The following KRIT1 variants were observed in gnomAD, a reference collection of about 807,000 sequenced individuals.
KRIT1 encodes the protein krev interaction trapped protein 1.
In KRIT1, 45 loss-of-function variants were observed where a neutral mutation model predicts 95.8. The observed-to-expected ratio is 0.47, with a 90% CI of 0.37 to 0.60. The LOEUF (loss-of-function observed/expected upper bound fraction) is 0.60, where lower values mean the gene tolerates loss of function less well. Among genes scored for constraint, KRIT1 ranks in the 20% least tolerant of loss-of-function variants. The pLI is 0.00. For missense variants in KRIT1, 788 were observed against 877.5 expected (o/e 0.90, Z 1.29); for synonymous variants, 282 against 278.8 (o/e 1.01, Z -0.11).
intron 10 of KRIT1, among the ~76,000 whole-genome samples, chr7:92,232,718 G>A (rs906730647): frequency 3.3e-5 from 5 of 151,590 alleles, no homozygotes; most frequent in Non-Finnish European, 5.9e-5. Flanking sequence ...TTTTGAGATG[G>A]AGTCTCACTG....
rs1800565337 is a variant in KRIT1 at position 92,245,019 on chromosome 7, C to T, written c.-268G>A. On this transcript the variant is annotated 5_prime_UTR_variant, in exon 2 of 19. The change abolishes the stop of an existing upstream ORF in the 5' untranslated region. Transcript: ENST00000394505. ...GGTTTGCTAACATCCTCTTAGTATG[C>T]TAGACAGCGTTTGCAAACAGAAACT... 1 of 151,912 alleles carries T rather than the reference C, an allele frequency of 6.6e-6. No individual in the cohort carries two copies. The highest frequency in any genetic ancestry group is 2.4e-5 in the African/African-American group (1 of 41,314). The allele number at this position is 151,912 out of a possible 1,614,324, so 9.4% of individuals were successfully genotyped here.
chr7:92,226,148 C>T (rs1434652671), intron 11 of KRIT1, among the ~76,000 whole-genome samples: 3 of 151,764 alleles, frequency 2.0e-5, no homozygotes, highest in Non-Finnish European at 4.4e-5. Context: ...AAATCTTTTT[C>T]CTTTTTCAAG....
chr7:92,234,348 G>C, intron 10 of KRIT1, 101 bp downstream of exon 10: 1 of 960,212 alleles, frequency 1.0e-6, no homozygotes, highest in Non-Finnish European at 1.6e-6. Context: ...AACAGGTAGA[G>C]AAAAAGTATT....
At chr7:92,234,762 A>G in intron 9 of KRIT1, 46 bp downstream of exon 9, 1 of 1,214,362 alleles carries the variant, frequency 8.2e-7, no homozygotes, top group South Asian at 1.2e-5. Context: ...TTAAATTAGA[A>G]TGTAAGTTTT....
intron 2 of KRIT1, 92 bp downstream of exon 2, chr7:92,244,810 T>G (rs1800516892): frequency 6.6e-6 from 1 of 152,076 alleles, no homozygotes; most frequent in Non-Finnish European, 1.5e-5. Flanking sequence ...TTCTGGAAAA[T>G]GTTAGGCACA....
At chr7:92,208,197 G>A (rs1208908161) in intron 17 of KRIT1, among the ~76,000 whole-genome samples, 4 of 152,100 alleles carry the variant, frequency 2.6e-5, no homozygotes, top group South Asian at 2.1e-4. Flanking sequence ...CCTAAGGGAT[G>A]TAGCAAAAGC....
At chr7:92,228,787 T>G (rs1197239138) in intron 10 of KRIT1, among the ~76,000 whole-genome samples, 4 of 152,124 alleles carry the variant, frequency 2.6e-5, no homozygotes, top group African/African-American at 9.7e-5. Context: ...GTTCCCTTTT[T>G]TGTGCTCATG....
intron 10 of KRIT1, among the ~76,000 whole-genome samples, chr7:92,232,383 T>C (rs1797483958): frequency 6.6e-6 from 1 of 152,142 alleles, no homozygotes; most frequent in South Asian, 2.1e-4. Flanking sequence ...TAAAGTAACT[T>C]ACCAAAGGTA....
intron 17 of KRIT1, among the ~76,000 whole-genome samples, chr7:92,208,511 TA>T (rs1424100156): frequency 1.3e-5 from 2 of 151,922 alleles, no homozygotes; most frequent in African/African-American, 4.8e-5. Context: ...AACAAAATCA[TA>T]AATGATAAAA....
At chr7:92,225,606 T>C in intron 12 of KRIT1, 114 bp downstream of exon 12, 1 of 719,068 alleles carries the variant, frequency 1.4e-6, no homozygotes, top group Non-Finnish European at 2.5e-6. Context: ...AATGAGGTTT[T>C]ATAGCAGTAA....
At chr7:92,244,543 C>T (rs1285560923) in intron 2 of KRIT1, among the ~76,000 whole-genome samples, 5 of 152,134 alleles carry the variant, frequency 3.3e-5, no homozygotes, top group African/African-American at 4.8e-5. Flanking sequence ...TCGTACTTGA[C>T]TACTTAAAAT....
At chr7:92,210,827 A>C (rs940503640) in intron 17 of KRIT1, among the ~76,000 whole-genome samples, 2 of 152,228 alleles carry the variant, frequency 1.3e-5, no homozygotes, top group African/African-American at 4.8e-5. Context: ...AAATCAAACA[A>C]TTCAACAGCA....
chr7:92,232,469 T>C (rs1797500271), intron 10 of KRIT1, among the ~76,000 whole-genome samples: 1 of 151,834 alleles, frequency 6.6e-6, no homozygotes, highest in Non-Finnish European at 1.5e-5. Flanking sequence ...CATGCTTTTG[T>C]TTTTATGTAA....
chr7:92,245,920 C>T (rs1445569775), upstream of KRIT1: 10 of 233,316 alleles, frequency 4.3e-5, 1 homozygote, highest in South Asian at 4.2e-4. Context: ...GCTATGAAAT[C>T]GCTTCCGGGT....
rs1800871855 is a variant in KRIT1 at position 92,245,820 on chromosome 7, A to G, written c.-451T>C. 6.0e-6 allele frequency: 1 copy of G among 166,912 alleles called. No homozygotes were observed. The highest frequency in any genetic ancestry group is 1.3e-5 in the Non-Finnish European group (1 of 78,394). The allele number at this position is 166,912 out of a possible 1,614,324, so 10.3% of individuals were successfully genotyped here. On this transcript the variant is annotated 5_prime_UTR_variant, in exon 1 of 19. Coordinates refer to ENST00000394505, the MANE Select transcript of KRIT1 (RefSeq NM_194454.3). Reference sequence around the variant, plus strand: ...CTTTACTGTCCTTCCCTCTCCTCGCACCTCAGCACCATTCACCCCTCACCC... The same window carrying G: ...CTTTACTGTCCTTCCCTCTCCTCGCGCCTCAGCACCATTCACCCCTCACCC...
At chr7:92,198,986 G>A (rs188612683), downstream of KRIT1, 281 of 152,330 alleles carry the variant, frequency 1.8e-3, 2 homozygotes, top group African/African-American at 6.3e-3. Context: ...GAATATAGTG[G>A]AAGGACAGAA....
At position 92,245,895 on chromosome 7, in the gene KRIT1, C is replaced by A; in HGVS notation, c.-526G>T. 1 of 233,714 alleles carries A rather than the reference C, an allele frequency of 4.3e-6. No homozygotes were observed. Among genetic ancestry groups the A allele is most frequent in the Non-Finnish European group, 8.4e-6 (1 of 118,454 alleles). 14.5% of individuals were successfully genotyped at this position (233,714 alleles called of 1,614,324 possible). A position where few individuals can be genotyped will look rare whatever the true frequency, so the allele number is the denominator to read the frequency against. ...GTCTTCAAAGGCCTTAGCTTTCCAC[C>A]CCGCCGTTACCGTGGCTATGAAATC... On this transcript the variant is annotated 5_prime_UTR_variant, in exon 1 of 19. Coordinates refer to ENST00000394505, the MANE Select transcript of KRIT1 (RefSeq NM_194454.3).
chr7:92,246,095 C>T, upstream of KRIT1: 2 of 281,336 alleles, frequency 7.1e-6, no homozygotes, highest in South Asian at 5.6e-5. Context: ...GCGGCTGAGC[C>T]GGAGCCGGAG....
chr7:92,208,363 A>AAAAG (rs759288646), intron 17 of KRIT1, among the ~76,000 whole-genome samples: 1 of 151,912 alleles, frequency 6.6e-6, no homozygotes, highest in Non-Finnish European at 1.5e-5. Flanking sequence ...GACCAGAACT[A>AAAAG]AAAGAAAGAA....
Sources: allele counts gnomAD v4.1 joint callset (sites outside exome capture counted in the v4.1 genomes callset), GRCh38; gene constraint gnomAD v4.1.1; transcripts MANE v1.5; gene names NCBI Gene and HGNC (gene_info 2026-07-23, HGNC 2026-07-21).